Variants in IMMP2L observed in about 807,000 individuals in gnomAD.
IMMP2L encodes the protein inner mitochondrial membrane peptidase subunit 2.
A neutral mutation model predicts 19.3 loss-of-function variants in IMMP2L; 18 were observed. The ratio of observed to expected loss-of-function variants is 0.93; its 90% CI spans 0.64 to 1.38. The LOEUF is 1.38. Among genes scored for constraint, IMMP2L ranks in the 40% most tolerant of loss-of-function variants. IMMP2L has a pLI of 0.00. For missense variants in IMMP2L, 233 were observed against 218.2 expected, an observed-to-expected ratio of 1.07 and a Z score of -0.43; for synonymous variants, 76 against 73.0, an observed-to-expected ratio of 1.04 and a Z score of -0.21.
rs577823714 is a variant in IMMP2L at position 110,877,595 on chromosome 7, A to C, written c.408+8998T>G. Among the ~76,000 whole-genome samples, 1 of 152,134 alleles carries C rather than the reference A, an allele frequency of 6.6e-6. No homozygotes were observed. The highest frequency in any genetic ancestry group is 2.4e-5 in the African/African-American group (1 of 41,434). ...ACGGATCTGGAAAATTTGGCGGGAG[A>C]CAGGATCAAAAGGGTTTGACTGCCC... On this transcript the variant is annotated intron_variant, in intron 5 of 5. Coordinates refer to ENST00000405709, the MANE Select transcript of IMMP2L (RefSeq NM_032549.4). The surrounding 1 kb of genome is among the most constrained non-coding windows in gnomAD (Gnocchi z 4.0).
intron 5 of IMMP2L, among the ~76,000 whole-genome samples, chr7:110,781,273 T>G (rs1202214827): frequency 2.0e-5 from 3 of 151,906 alleles, no homozygotes; most frequent in East Asian, 3.9e-4. Flanking sequence ...TCCAGTAATG[T>G]AAAACATCTA....
chr7:110,927,630 G>A (rs1447082826), intron 4 of IMMP2L, among the ~76,000 whole-genome samples: 1 of 152,224 alleles, frequency 6.6e-6, no homozygotes, highest in Non-Finnish European at 1.5e-5. Context: ...CAAGGAAGGT[G>A]GGAAGCTTCT....
At chr7:110,789,340 A>T (rs1800308006) in intron 5 of IMMP2L, among the ~76,000 whole-genome samples, 1 of 151,802 alleles carries the variant, frequency 6.6e-6, no homozygotes, top group Non-Finnish European at 1.5e-5. Flanking sequence ...AATGGAACAG[A>T]TTTACCAGTT....
Position 110,895,510 on chromosome 7 carries a change from T to C in IMMP2L, c.306-8815A>G, listed in dbSNP as rs1457557435. Among the ~76,000 whole-genome samples, 4 of 152,268 alleles carry C rather than the reference T, an allele frequency of 2.6e-5. No individual in the cohort carries two copies. The East Asian group carries it at 7.7e-4, about 29-fold the overall frequency. On this transcript the variant is annotated intron_variant, in intron 4 of 5. Coordinates refer to ENST00000405709, the MANE Select transcript of IMMP2L (RefSeq NM_032549.4). Reference sequence around the variant, plus strand: ...TCCAAACCCCTTTGGCTATTCTAAGTCCTCTGCATTTCCAAACAGATTTTA... The same window carrying C: ...TCCAAACCCCTTTGGCTATTCTAAGCCCTCTGCATTTCCAAACAGATTTTA...
At chr7:110,961,352 A>C (rs1177966799) in intron 4 of IMMP2L, among the ~76,000 whole-genome samples, 2 of 151,804 alleles carry the variant, frequency 1.3e-5, no homozygotes. Context: ...TAGGTTACTT[A>C]TTCCTAATAC....
At chr7:110,756,779 G>A (rs1226024910) in intron 5 of IMMP2L, among the ~76,000 whole-genome samples, 3 of 152,028 alleles carry the variant, frequency 2.0e-5, no homozygotes, top group African/African-American at 7.2e-5. Context: ...CTTAAATACT[G>A]AGAGTTTTAA....
chr7:111,525,701 T>C (rs991613104), intron 1 of IMMP2L, among the ~76,000 whole-genome samples: 1 of 152,130 alleles, frequency 6.6e-6, no homozygotes, highest in Non-Finnish European at 1.5e-5. Context: ...GGGGCCGTGG[T>C]AGCCTGTCAA....
chr7:111,068,385 AAATT>A (rs1297995704), intron 3 of IMMP2L, among the ~76,000 whole-genome samples: 3 of 152,204 alleles, frequency 2.0e-5, no homozygotes, highest in Non-Finnish European at 4.4e-5. Flanking sequence ...AGACTGATAT[AAATT>A]AATATGTAAA....
At chr7:110,736,472 A>T (rs913276566) in intron 5 of IMMP2L, among the ~76,000 whole-genome samples, 1 of 152,176 alleles carries the variant, frequency 6.6e-6, no homozygotes, top group Non-Finnish European at 1.5e-5. Flanking sequence ...AGCCCAGGAG[A>T]GCTGCAGGAG....
Position 111,086,348 on chromosome 7 carries a change from G to A in IMMP2L, c.240-122783C>T, listed in dbSNP as rs542933687. On this transcript the variant is annotated intron_variant, in intron 3 of 5. Coordinates refer to ENST00000405709, the MANE Select transcript of IMMP2L (RefSeq NM_032549.4). The stretch of plus-strand genomic sequence containing the variant: ...CTAGCTACTCTGGAAGCTGAGGTAG[G>A]AGGAACATTTGAGCCCAGGATTTCG... 8.5e-5 allele frequency among the ~76,000 whole-genome samples: 13 copies of A among 152,148 alleles called. No homozygotes were observed. In the East Asian group the frequency reaches 2.5e-3, roughly 29 times the overall value.
In IMMP2L at chr7:110,878,303, C is replaced by T. The variant is rs942573999; in HGVS notation, c.408+8290G>A. Among the ~76,000 whole-genome samples the T allele has an allele frequency of 4.6e-5, 7 of 151,966 alleles. No homozygotes were observed. In the South Asian group the frequency reaches 6.2e-4, roughly 14 times the overall value. ...ATGATACTCTTTACATTGACAAGCACGTAGAAATTGAACCCTCAAACCTAT... is the reference window on the plus strand; with the variant it reads ...ATGATACTCTTTACATTGACAAGCATGTAGAAATTGAACCCTCAAACCTAT... On this transcript the variant is annotated intron_variant, in intron 5 of 5. Transcript: ENST00000405709.
intron 3 of IMMP2L, among the ~76,000 whole-genome samples, chr7:111,137,510 A>G (rs1315843031): frequency 2.6e-5 from 4 of 152,184 alleles, no homozygotes. Context: ...ATACACTCAG[A>G]CCACATTGCT....
chr7:111,065,817 T>C (rs1192150105), intron 3 of IMMP2L, among the ~76,000 whole-genome samples: 2 of 152,108 alleles, frequency 1.3e-5, no homozygotes, highest in Admixed American at 6.5e-5. Flanking sequence ...TGTGGGACCT[T>C]GTAAGATAAT....
At chr7:110,962,986 G>C in intron 4 of IMMP2L, 2 of 1,487,256 alleles carry the variant, frequency 1.3e-6, no homozygotes, top group Non-Finnish European at 1.8e-6. Context: ...CATTACTAAA[G>C]GCTGCTTAAA....
intron 5 of IMMP2L, among the ~76,000 whole-genome samples, chr7:110,794,266 T>A (rs866038234): frequency 1.3e-5 from 2 of 152,090 alleles, no homozygotes; most frequent in Admixed American, 6.6e-5. Flanking sequence ...CTTGAGCAGA[T>A]GAATAGATTT....
At chr7:111,469,876 G>T (rs1287816056) in intron 3 of IMMP2L, among the ~76,000 whole-genome samples, 2 of 152,012 alleles carry the variant, frequency 1.3e-5, no homozygotes, top group African/African-American at 4.8e-5. Context: ...TGACAAATGG[G>T]ATCTAATTAA....
intron 3 of IMMP2L, among the ~76,000 whole-genome samples, chr7:111,048,238 C>CA (rs575701337): frequency 0.079 from 1,453 of 18,324 alleles, 137 homozygotes; most frequent in Non-Finnish European, 0.1. Context: ...GACTCTGTCT[C>CA]AAAAAAAAAA....
In IMMP2L at chr7:110,760,483, A is replaced by G. The variant is rs1018234259; in HGVS notation, c.409-96762T>C. The stretch of plus-strand genomic sequence containing the variant: ...TCAGAAATGAAATGCCCATACCAAC[A>G]ACTAGACTGAGAAGTGGTCTATTAC... On this transcript the variant is annotated intron_variant, in intron 5 of 5. Transcript: ENST00000405709. This position sits in a 1 kb window ranked among gnomAD's most constrained non-coding sequence, Gnocchi z 4.2. 6.6e-6 allele frequency among the ~76,000 whole-genome samples: 1 copy of G among 152,154 alleles called. No individual in the cohort carries two copies. Among genetic ancestry groups the G allele is most frequent in the African/African-American group, 2.4e-5 (1 of 41,450 alleles).
chr7:110,747,453 A>G (rs1459832637), intron 5 of IMMP2L, among the ~76,000 whole-genome samples: 2 of 152,182 alleles, frequency 1.3e-5, no homozygotes, highest in African/African-American at 4.8e-5. Context: ...CAAAAAAGGA[A>G]ATTTCAGGCC....
Sources: gnomAD v4.1 joint callset for allele counts (sites outside exome capture counted in the v4.1 genomes callset) on GRCh38, gnomAD v4.1.1 for gene constraint, Gnocchi (gnomAD v3.1) non-coding constraint, MANE v1.5 for transcripts, NCBI Gene and HGNC (gene_info 2026-07-23, HGNC 2026-07-21) for gene names.